APC: variants seen among roughly 807,000 people sequenced by gnomAD.
APC encodes APC regulator of Wnt signaling pathway, also known as adenomatous polyposis coli protein.
A neutral mutation model predicts 247.0 loss-of-function variants in APC; 72 were observed. The ratio of observed to expected loss-of-function variants is 0.29; its 90% CI spans 0.24 to 0.35. The LOEUF (loss-of-function observed/expected upper bound fraction) is 0.35, where lower values mean the gene tolerates loss of function less well. Among genes scored for constraint, APC ranks in the 10% least tolerant of loss-of-function variants. The pLI is 1.00. For missense variants in APC, 3,400 were observed against 3,360.7 expected, an observed-to-expected ratio of 1.01 and a Z score of -0.29; for synonymous variants, 1,254 against 1,162.5, an observed-to-expected ratio of 1.08 and a Z score of -1.60.
chr5:112,785,312 T>C (rs1317194978), intron 6 of APC, among the ~76,000 whole-genome samples: 1 of 152,166 alleles, frequency 6.6e-6, no homozygotes, highest in Admixed American at 6.5e-5. Flanking sequence ...GTATTTAAAC[T>C]AGTAAGAGAA....
In APC at chr5:112,771,851, C is replaced by G. The variant is rs568593596; in HGVS notation, c.423-3778C>G. ...ATATCTTCTTCCTTTATCTGTACTC[C>G]TCAAGATAAATGCTAGAAGTTGGTT... On this transcript the variant is annotated intron_variant, in intron 4 of 15. Coordinates refer to ENST00000257430, the MANE Select transcript of APC (RefSeq NM_000038.6). Among the ~76,000 whole-genome samples, 53 of 152,072 alleles carry G rather than the reference C, an allele frequency of 3.5e-4. 1 individual carries two copies. Among genetic ancestry groups the G allele is most frequent in the African/African-American group, 1.3e-3 (52 of 41,470 alleles).
chr5:112,829,044 C>T, intron 14 of APC, 72 bp downstream of exon 14: 1 of 1,030,708 alleles, frequency 9.7e-7, no homozygotes, highest in East Asian at 2.4e-5. Flanking sequence ...TTCTTTTAGC[C>T]ATGAGATTTC....
intron 1 of APC, among the ~76,000 whole-genome samples, chr5:112,747,295 T>C (rs952608348): frequency 2.0e-5 from 3 of 152,316 alleles, no homozygotes; most frequent in Non-Finnish European, 2.9e-5. Context: ...TCATGAGATA[T>C]AGTAAGACTT....
At chr5:112,763,608 C>T (rs1228286069) in intron 2 of APC, among the ~76,000 whole-genome samples, 5 of 151,784 alleles carry the variant, frequency 3.3e-5, no homozygotes, top group Admixed American at 1.3e-4. Flanking sequence ...CAATGATGTA[C>T]GAAGGATTTT....
intron 15 of APC, among the ~76,000 whole-genome samples, 181 bp from the exon 16 acceptor site, chr5:112,837,372 A>G (rs1423268031): frequency 6.6e-6 from 1 of 151,242 alleles, no homozygotes; most frequent in African/African-American, 2.4e-5. Context: ...TTAGTGTGAC[A>G]GATTAGTACT....
chr5:112,740,469 T>A (rs1454668487), intron 1 of APC, among the ~76,000 whole-genome samples: 1 of 151,994 alleles, frequency 6.6e-6, no homozygotes, highest in Admixed American at 6.6e-5. Context: ...TATTCATAAA[T>A]GTTTTATGAA....
rs755126540 is a variant in APC, at chr5:112,840,515, G to A, written c.4921G>A (p.Val1641Met). 3.1e-6 allele frequency: 5 copies of A among 1,614,140 alleles called. No homozygotes were observed. The highest frequency in any genetic ancestry group is 4.2e-6 in the Non-Finnish European group (5 of 1,180,006). Residue 1641 changes from valine (V) to methionine (M), a missense_variant, in exon 16 of 16, where the codon GTG (valine) becomes ATG (methionine). Physicochemically the swap from Val to Met is conservative, Grantham distance 21. Coordinates refer to ENST00000257430, the MANE Select transcript of APC (RefSeq NM_000038.6). The surrounding 1 kb of genome is among the most constrained non-coding windows in gnomAD (Gnocchi z 4.1). ...TACACCGGGGGATGATATGCCACGG[G>A]TGTATTGTGTTGAAGGGACACCTAT... ...SFTPGDDMPR[V>M]YCVEGTPINF...
chr5:112,753,533 G>C (rs1214936735), intron 1 of APC, among the ~76,000 whole-genome samples: 2 of 152,122 alleles, frequency 1.3e-5, no homozygotes, highest in African/African-American at 4.8e-5. Context: ...ATTAAATCAT[G>C]ACCAGGCCTG....
chr5:112,775,586 T>G, intron 4 of APC, 43 bp from the exon 5 acceptor site: 1 of 1,204,980 alleles, frequency 8.3e-7, no homozygotes, highest in Non-Finnish European at 1.2e-6. Context: ...CAGTCTTTAT[T>G]AGCATTGTTT....
intron 1 of APC, among the ~76,000 whole-genome samples, chr5:112,751,618 C>T (rs1754376164): frequency 6.6e-6 from 1 of 151,862 alleles, no homozygotes; most frequent in Non-Finnish European, 1.5e-5. Flanking sequence ...TCTGGTTTCT[C>T]TCCCCTATAA....
rs577725739 is a variant in APC at position 112,841,120 on chromosome 5, A to C, written c.5526A>C (p.Ser1842=). ...TCAGAGGAAGTTTTGCTTTTGATTC[A>C]CCTCATCATTACACGCCTATTGAAG... ...DRVRGSFAFD[S]PHHYTPIEGT... is the part of the protein sequence containing the mutation. Residue 1842 remains serine, a synonymous_variant, in exon 16 of 16, where the codon TCA becomes TCC. Coordinates refer to ENST00000257430, the MANE Select transcript of APC (RefSeq NM_000038.6). The surrounding 1 kb of genome is among the most constrained non-coding windows in gnomAD (Gnocchi z 4.6). The C allele has an allele frequency of 6.2e-7, 1 of 1,612,914 alleles. No individual in the cohort carries two copies. The highest frequency in any genetic ancestry group is 8.5e-7 in the Non-Finnish European group (1 of 1,178,906).
chr5:112,750,816 A>C (rs17287041), intron 1 of APC, among the ~76,000 whole-genome samples: 2,301 of 152,236 alleles, frequency 0.015, 30 homozygotes, highest in Non-Finnish European at 0.023. Context: ...AAAAAAATAA[A>C]AGTCTGCTCT....
At chr5:112,837,036 A>G (rs916572351) in intron 15 of APC, among the ~76,000 whole-genome samples, 2 of 152,162 alleles carry the variant, frequency 1.3e-5, no homozygotes, top group African/African-American at 2.4e-5. Flanking sequence ...GTATCACAAA[A>G]TCAAGCCAGA....
chr5:112,775,828 A>T, intron 5 of APC, 91 bp downstream of exon 5: 1 of 717,364 alleles, frequency 1.4e-6, no homozygotes, highest in Non-Finnish European at 2.4e-6. Context: ...AGGATAACTG[A>T]ATTTATAGTT....
Position 112,839,798 on chromosome 5 carries a change from G to T in APC, c.4204G>T (p.Ala1402Ser). The change falls in exon 16 of 16, where the codon GCC becomes TCC. Residue 1402 changes from alanine to serine, a missense_variant. Ala to Ser is a moderately conservative substitution (Grantham distance 99, BLOSUM62 1). Transcript: ENST00000257430. This position sits in a 1 kb window ranked among gnomAD's most constrained non-coding sequence, Gnocchi z 5.0. ...TGATAGTTTTGAGAGTCGTTCGATT[G>T]CCAGCTCCGTTCAGAGTGAACCATG... is the stretch of plus-strand genomic sequence containing the variant. ...SLDSFESRSI[A>S]SSVQSEPCSG... 6.2e-7 allele frequency: 1 copy of T among 1,614,076 alleles called. No individual in the cohort carries two copies. The highest frequency in any genetic ancestry group is 8.5e-7 in the Non-Finnish European group (1 of 1,180,018).
intron 15 of APC, among the ~76,000 whole-genome samples, chr5:112,836,758 G>A (rs1191566287): frequency 6.6e-6 from 1 of 151,938 alleles, no homozygotes; most frequent in East Asian, 1.9e-4. Flanking sequence ...CCAGGTTGGA[G>A]TGCAGTGGTG....
At chr5:112,726,021 C>T (rs1751755446) in intron 1 of APC, among the ~76,000 whole-genome samples, 1 of 152,090 alleles carries the variant, frequency 6.6e-6, no homozygotes, top group Non-Finnish European at 1.5e-5. Context: ...TCTGTTCAGG[C>T]CACCGTCCAT....
chr5:112,761,213 C>G (rs1755631424), intron 2 of APC, among the ~76,000 whole-genome samples: 1 of 152,120 alleles, frequency 6.6e-6, no homozygotes, highest in African/African-American at 2.4e-5. Context: ...TCTTAAGTCT[C>G]TTTTGTTCTT....
intron 2 of APC, among the ~76,000 whole-genome samples, chr5:112,760,979 T>A (rs1755590651): frequency 6.6e-6 from 1 of 152,028 alleles, no homozygotes; most frequent in Non-Finnish European, 1.5e-5. Flanking sequence ...CTGGCTAATT[T>A]TTTGTATTTT....
Sources: allele counts gnomAD v4.1 joint callset (sites outside exome capture counted in the v4.1 genomes callset), GRCh38; gene constraint gnomAD v4.1.1; non-coding constraint Gnocchi (gnomAD v3.1); transcripts MANE v1.5; gene names NCBI Gene and HGNC (gene_info 2026-07-23, HGNC 2026-07-21).